TBC1D4: variants seen among roughly 807,000 people sequenced by gnomAD.
TBC1D4 encodes TBC (Tre-2, BUB2, CDC16) domain-containing protein.
A neutral mutation model predicts 142.5 loss-of-function variants in TBC1D4; 121 were observed. That is an observed-to-expected ratio of 0.85 (90% CI 0.73 to 0.99). The LOEUF (loss-of-function observed/expected upper bound fraction) is 0.99, where lower values mean the gene tolerates loss of function less well. Ranked by LOEUF, TBC1D4 falls within the 50% of genes least tolerant of loss-of-function variation. TBC1D4 has a pLI of 0.00. For missense variants in TBC1D4, 1,475 were observed against 1,606.6 expected (o/e 0.92, Z 1.40); for synonymous variants, 630 against 628.2 (o/e 1.00, Z -0.04).
intron 1 of TBC1D4, among the ~76,000 whole-genome samples, chr13:75,458,317 A>G (rs1267569859): frequency 1.3e-5 from 2 of 152,146 alleles, no homozygotes; most frequent in Non-Finnish European, 2.9e-5. Flanking sequence ...CTCAACGTTC[A>G]GATGCTCCCT....
chr13:75,367,668 G>C (rs915783170), intron 1 of TBC1D4, among the ~76,000 whole-genome samples: 1 of 152,134 alleles, frequency 6.6e-6, no homozygotes, highest in African/African-American at 2.4e-5. Context: ...AGTAATGCGT[G>C]GCTTTAGGGG....
chr13:75,390,997 C>T (rs1227129969), intron 1 of TBC1D4, among the ~76,000 whole-genome samples: 5 of 150,976 alleles, frequency 3.3e-5, no homozygotes, highest in African/African-American at 1.2e-4. Context: ...TGATACTATG[C>T]ACAAACACAC....
chr13:75,313,299 G>A (rs1180375743), intron 12 of TBC1D4, among the ~76,000 whole-genome samples: 3 of 152,176 alleles, frequency 2.0e-5, no homozygotes, highest in Non-Finnish European at 4.4e-5. Flanking sequence ...GCTTTTGTTA[G>A]AGCTCTTATA....
At position 75,299,530 on chromosome 13, in the gene TBC1D4, G is replaced by T. The variant is rs752358886; in HGVS notation, c.2956C>A (p.Pro986Thr). Residue 986 changes from proline (P) to threonine (T), a missense_variant, in exon 17 of 21, where the codon CCA becomes ACA. Around this residue, in one of 2 missense-constraint regions of TBC1D4, gnomAD observed 1,227 missense variants for 1,267.7 expected, o/e 0.97. Coordinates refer to ENST00000377636, the MANE Select transcript of TBC1D4 (RefSeq NM_014832.5). ...THPYFSVQLG[P>T]GQLSLFNLLK... ...AGGTTAAACAGTGACAGCTGTCCTG[G>T]CCCAAGCTGTACTGAAAAGTAAGGG... 6.2e-7 allele frequency: 1 copy of T among 1,614,092 alleles called. No individual in the cohort carries two copies. The highest frequency in any genetic ancestry group is 1.3e-5 in the African/African-American group (1 of 75,016).
intron 1 of TBC1D4, chr13:75,377,352 G>A (rs867743388): frequency 6.6e-6 from 1 of 152,132 alleles, no homozygotes; most frequent in African/African-American, 2.4e-5. Flanking sequence ...GAAGAGGTCT[G>A]ATATACAAAT....
At chr13:75,431,453 C>T (rs1886589145) in intron 1 of TBC1D4, among the ~76,000 whole-genome samples, 1 of 152,144 alleles carries the variant, frequency 6.6e-6, no homozygotes, top group African/African-American at 2.4e-5. Flanking sequence ...CACACAAAAG[C>T]TTATTTTCAC....
intron 1 of TBC1D4, among the ~76,000 whole-genome samples, chr13:75,448,524 C>T (rs1593896987): frequency 6.7e-6 from 1 of 149,276 alleles, no homozygotes. Flanking sequence ...GCCAAGATTG[C>T]ACCATTGTAC....
At chr13:75,406,397 C>A (rs1018712398) in intron 1 of TBC1D4, among the ~76,000 whole-genome samples, 1 of 152,218 alleles carries the variant, frequency 6.6e-6, no homozygotes, top group African/African-American at 2.4e-5. Flanking sequence ...CTAATTAAAG[C>A]ATTGCAGGCC....
chr13:75,426,518 G>T (rs928587627), intron 1 of TBC1D4, among the ~76,000 whole-genome samples: 5 of 152,136 alleles, frequency 3.3e-5, no homozygotes, highest in Admixed American at 3.3e-4. Flanking sequence ...AATAATACCT[G>T]TTCTTACTCA....
At chr13:75,374,816 A>T (rs1176509517) in intron 1 of TBC1D4, among the ~76,000 whole-genome samples, 4 of 152,180 alleles carry the variant, frequency 2.6e-5, no homozygotes, top group Admixed American at 1.3e-4. Context: ...AGATGAGCCC[A>T]ATTGTAAATC....
At chr13:75,360,570 T>C (rs1882423750) in intron 2 of TBC1D4, among the ~76,000 whole-genome samples, 1 of 149,840 alleles carries the variant, frequency 6.7e-6, no homozygotes, top group Non-Finnish European at 1.5e-5. Context: ...GTGTGTTTTT[T>C]TTTAATCAAG....
chr13:75,311,214 C>T (rs1877715858), intron 13 of TBC1D4, among the ~76,000 whole-genome samples: 2 of 152,210 alleles, frequency 1.3e-5, no homozygotes, highest in South Asian at 4.1e-4. Flanking sequence ...CTATTCTTTG[C>T]ATTCATCATG....
intron 5 of TBC1D4, among the ~76,000 whole-genome samples, chr13:75,344,212 A>G (rs1880966211): frequency 6.6e-6 from 1 of 152,232 alleles, no homozygotes; most frequent in Admixed American, 6.5e-5. Context: ...ATATTATGAT[A>G]ATGATTCACA....
chr13:75,333,246 T>C (rs1257920323), intron 8 of TBC1D4, among the ~76,000 whole-genome samples: 9 of 152,326 alleles, frequency 5.9e-5, no homozygotes, highest in Middle Eastern at 3.4e-3. Context: ...TTAAAACACC[T>C]ACCACCCAAC....
chr13:75,345,428 T>C (rs1369973926), intron 5 of TBC1D4, among the ~76,000 whole-genome samples: 1 of 152,142 alleles, frequency 6.6e-6, no homozygotes, highest in Non-Finnish European at 1.5e-5. Flanking sequence ...ATCCAGGGAC[T>C]TAGGAAAACA....
intron 12 of TBC1D4, among the ~76,000 whole-genome samples, chr13:75,317,122 T>C (rs1465506038): frequency 3.3e-5 from 5 of 152,040 alleles, no homozygotes. Flanking sequence ...GATAATAAAG[T>C]GAAGGAACCA....
At chr13:75,288,883 G>A (rs1277493452) in intron 20 of TBC1D4, 51 bp downstream of exon 20, 16 of 1,568,274 alleles carry the variant, frequency 1.0e-5, no homozygotes, top group Middle Eastern at 3.9e-4. Flanking sequence ...GTAGTTCTGT[G>A]CATGCAGGAG....
chr13:75,335,899 C>A (rs186462879), intron 8 of TBC1D4, among the ~76,000 whole-genome samples: 2 of 151,944 alleles, frequency 1.3e-5, no homozygotes, highest in Non-Finnish European at 1.5e-5. Flanking sequence ...TATAGCAATG[C>A]GAAAATGAAC....
At chr13:75,475,618 A>G (rs367947419) in intron 1 of TBC1D4, among the ~76,000 whole-genome samples, 42 of 152,210 alleles carry the variant, frequency 2.8e-4, no homozygotes, top group African/African-American at 1.0e-3. Context: ...TCTTTTACTT[A>G]TGAGGTAAAT....
Sources: gnomAD v4.1 joint callset for allele counts (sites outside exome capture counted in the v4.1 genomes callset) on GRCh38, gnomAD v4.1.1 for gene constraint, gnomAD v4.1.1 regional missense constraint, MANE v1.5 for transcripts, NCBI Gene and HGNC (gene_info 2026-07-23, HGNC 2026-07-21) for gene names.